MACROD2: variants seen among roughly 807,000 people sequenced by gnomAD.
The protein encoded by MACROD2 is mono-ADP ribosylhydrolase 2.
In MACROD2, 36 loss-of-function variants were observed where a neutral mutation model predicts 70.4. The ratio of observed to expected loss-of-function variants is 0.51; its 90% confidence interval spans 0.39 to 0.68. MACROD2 has a LOEUF of 0.68. MACROD2 is among the 30% of genes least tolerant of loss of function. The pLI is 0.00. For synonymous variants in MACROD2, 172 were observed against 178.8 expected (o/e 0.96, Z 0.30); for missense variants, 496 against 538.4 (o/e 0.92, Z 0.78).
intron 2 of MACROD2, among the ~76,000 whole-genome samples, chr20:14,058,441 CA>C (rs10715069): frequency 0.75 from 110,801 of 148,150 alleles, 41,370 homozygotes; most frequent in African/African-American, 0.8. Flanking sequence ...TAGAAAAATA[CA>C]AAAAAAAAAA....
intron 7 of MACROD2, among the ~76,000 whole-genome samples, chr20:15,461,858 C>A (rs945429370): frequency 5.3e-5 from 8 of 152,120 alleles, no homozygotes; most frequent in Non-Finnish European, 1.2e-4. Flanking sequence ...TTTGTTTATG[C>A]ATTCAAGGTG....
intron 5 of MACROD2, among the ~76,000 whole-genome samples, chr20:14,766,724 G>A (rs2072094662): frequency 6.6e-6 from 1 of 152,080 alleles, no homozygotes; most frequent in East Asian, 1.9e-4. Context: ...GATTAAATTA[G>A]TTTGTCATCT....
At chr20:15,764,024 G>A (rs531273652) in intron 8 of MACROD2, among the ~76,000 whole-genome samples, 4 of 152,196 alleles carry the variant, frequency 2.6e-5, no homozygotes, top group Non-Finnish European at 5.9e-5. Flanking sequence ...TTGTAAGTGG[G>A]AGGGTTGCAG....
intron 5 of MACROD2, among the ~76,000 whole-genome samples, chr20:14,827,843 A>C (rs1255939329): frequency 1.3e-5 from 2 of 152,122 alleles, no homozygotes; most frequent in East Asian, 3.8e-4. Flanking sequence ...ACATTTATTA[A>C]TAAGAATTCA....
At chr20:15,718,440 AGAGGTAATGCC>A (rs1390821614) in intron 8 of MACROD2, among the ~76,000 whole-genome samples, 5 of 152,222 alleles carry the variant, frequency 3.3e-5, no homozygotes, top group Admixed American at 3.3e-4. Flanking sequence ...ATTTTTACAT[AGAGGTAATGCC>A]GAGGACATGA....
At chr20:15,168,444 T>TGC (rs2076401050) in intron 5 of MACROD2, among the ~76,000 whole-genome samples, 1 of 22,524 alleles carries the variant, frequency 4.4e-5, no homozygotes, top group Non-Finnish European at 1.1e-4. Context: ...TTGTGGGATG[T>TGC]GTGTGTGTGT....
At chr20:14,969,189 AGGAATAGAAAAAAACCT>A (rs1430152900) in intron 5 of MACROD2, among the ~76,000 whole-genome samples, 2 of 151,770 alleles carry the variant, frequency 1.3e-5, no homozygotes, top group African/African-American at 4.8e-5. Flanking sequence ...AAATCTGTAC[AGGAATAGAAAAAAACCT>A]GGACCCAAAC....
intron 5 of MACROD2, chr20:14,757,651 G>A: frequency 8.0e-7 from 1 of 1,256,888 alleles, no homozygotes; most frequent in Non-Finnish European, 1.2e-6. Flanking sequence ...ACATGCCTAA[G>A]CACCTGGAGC....
Position 15,468,112 on chromosome 20 carries a change from T to C in MACROD2, c.572-31662T>C, listed in dbSNP as rs116085477. Among the ~76,000 whole-genome samples the C allele has an allele frequency of 5.6e-3, 851 of 152,318 alleles. 7 individuals are homozygous for C. Among genetic ancestry groups the C allele is most frequent in the African/African-American group, 0.019 (799 of 41,572 alleles). Reference sequence around the variant, plus strand: ...CTAGACTATAAATGTCTTTTGTAGATAATGAATATGTCTGCCGCTGCATTG... The same window carrying C: ...CTAGACTATAAATGTCTTTTGTAGACAATGAATATGTCTGCCGCTGCATTG... On this transcript the variant is annotated intron_variant, in intron 7 of 17. Transcript: ENST00000684519.
intron 3 of MACROD2, among the ~76,000 whole-genome samples, chr20:14,442,525 A>G (rs1391193336): frequency 6.6e-6 from 1 of 152,112 alleles, no homozygotes. Flanking sequence ...TATTGGAATA[A>G]TACAAACTTC....
At chr20:15,713,084 T>C (rs929398943) in intron 8 of MACROD2, among the ~76,000 whole-genome samples, 2 of 152,204 alleles carry the variant, frequency 1.3e-5, no homozygotes, top group African/African-American at 4.8e-5. Flanking sequence ...TACCCTGAGA[T>C]GCCAGATACC....
At chr20:14,021,858 G>A (rs1052478053) in intron 2 of MACROD2, among the ~76,000 whole-genome samples, 10 of 152,218 alleles carry the variant, frequency 6.6e-5, no homozygotes, top group African/African-American at 2.2e-4. Flanking sequence ...TCTGCTTCAC[G>A]TAGTCTTTCA....
intron 10 of MACROD2, among the ~76,000 whole-genome samples, chr20:15,904,157 A>G (rs539526710): frequency 2.0e-5 from 3 of 152,202 alleles, no homozygotes; most frequent in South Asian, 2.1e-4. Context: ...CCCGAGGCCA[A>G]AGTTCCTTGT....
At chr20:14,753,823 G>A (rs1400979862) in intron 5 of MACROD2, among the ~76,000 whole-genome samples, 13 of 152,004 alleles carry the variant, frequency 8.6e-5, no homozygotes, top group African/African-American at 2.9e-4. Flanking sequence ...AGTCACATTC[G>A]TTAGTGTTGA....
rs113950601 is a variant in MACROD2, at chr20:15,710,588, G to C, written c.646-152157G>C. Among the ~76,000 whole-genome samples the C allele has an allele frequency of 1.8e-4, 27 of 152,268 alleles. No individual in the cohort carries two copies. In the South Asian group the frequency reaches 5.0e-3, roughly 28 times the overall value. ...CTCATTTTATCTCTAACAGATGTGGGCATCAAGTGTTTATGGGCGTGAAAA... is the reference window on the plus strand; with the variant it reads ...CTCATTTTATCTCTAACAGATGTGGCCATCAAGTGTTTATGGGCGTGAAAA... On this transcript the variant is annotated intron_variant, in intron 8 of 17. Coordinates refer to ENST00000684519, the MANE Select transcript of MACROD2 (RefSeq NM_001351661.2).
intron 4 of MACROD2, among the ~76,000 whole-genome samples, chr20:14,662,187 C>T (rs1986259149): frequency 1.3e-5 from 2 of 152,084 alleles, no homozygotes; most frequent in South Asian, 2.1e-4. Context: ...AATAAGGCCA[C>T]ACACCTACAA....
chr20:14,457,039 A>G (rs775716911), intron 3 of MACROD2, among the ~76,000 whole-genome samples: 1 of 151,932 alleles, frequency 6.6e-6, no homozygotes, highest in Non-Finnish European at 1.5e-5. Context: ...CTCTACTTTT[A>G]CTATCCTTCT....
chr20:16,035,034 A>G (rs895627634), intron 15 of MACROD2, among the ~76,000 whole-genome samples: 1 of 143,584 alleles, frequency 7.0e-6, no homozygotes, highest in Non-Finnish European at 1.5e-5. Context: ...TATAACTAAT[A>G]TATAAAATAT....
intron 8 of MACROD2, among the ~76,000 whole-genome samples, chr20:15,816,304 C>T (rs758706570): frequency 4.6e-5 from 7 of 152,034 alleles, no homozygotes; most frequent in Non-Finnish European, 8.8e-5. Context: ...AAGACATAGC[C>T]TGCAATGACT....
Sources: gnomAD v4.1 joint callset for allele counts (sites outside exome capture counted in the v4.1 genomes callset) on GRCh38, gnomAD v4.1.1 for gene constraint, MANE v1.5 for transcripts, NCBI Gene and HGNC (gene_info 2026-07-23, HGNC 2026-07-21) for gene names.